SMIM10L3: variants seen among roughly 807,000 people sequenced by gnomAD.
The protein encoded by SMIM10L3 is small integral membrane protein 10 like 3, also known as salivary gland specific protein SAGSIN1.
chr7:6,348,232 AG>A, the SMIM10L3 span, among the ~76,000 whole-genome samples: 350 of 145,280 alleles, frequency 2.4e-3, 1 homozygote, highest in African/African-American at 7.2e-3. Context: ...ATTAAAAATA[AG>A]GGGGGGGGTT....
the SMIM10L3 span, among the ~76,000 whole-genome samples, chr7:6,339,237 G>A: frequency 6.6e-6 from 1 of 152,138 alleles, no homozygotes; most frequent in African/African-American, 2.4e-5. Context: ...GGAGGCCGAG[G>A]TGGGGAGATC....
At chr7:6,343,036 CAA>C in the SMIM10L3 span, among the ~76,000 whole-genome samples, 1 of 99,076 alleles carries the variant, frequency 1.0e-5, no homozygotes. Flanking sequence ...GACGCTTTCT[CAA>C]AAAAAAAAAA....
At chr7:6,347,258 T>C in the SMIM10L3 span, among the ~76,000 whole-genome samples, 1 of 152,236 alleles carries the variant, frequency 6.6e-6, no homozygotes, top group Non-Finnish European at 1.5e-5. Context: ...CTGACGCCTA[T>C]AATCCCAGCA....
chr7:6,334,849 A>AC, the SMIM10L3 span, among the ~76,000 whole-genome samples: 450 of 151,014 alleles, frequency 3.0e-3, 4 homozygotes, highest in African/African-American at 0.01. Context: ...ACTCACTGCA[A>AC]CCTCCACCTC....
chr7:6,330,797 T>C, the SMIM10L3 span: 10 of 1,614,142 alleles, frequency 6.2e-6, no homozygotes, highest in South Asian at 1.1e-5. Flanking sequence ...TCAACACCAC[T>C]GCAGGACACC....
chr7:6,333,483 A>T, the SMIM10L3 span, among the ~76,000 whole-genome samples: 1 of 152,162 alleles, frequency 6.6e-6, no homozygotes, highest in Non-Finnish European at 1.5e-5. Flanking sequence ...GGAGGGACAG[A>T]CTAAAGTTTC....
the SMIM10L3 span, chr7:6,330,670 G>A: frequency 7.5e-4 from 1,206 of 1,613,908 alleles, 2 homozygotes; most frequent in South Asian, 9.0e-4. Context: ...TCCCATTTCC[G>A]GCACTTTTTG....
the SMIM10L3 span, among the ~76,000 whole-genome samples, chr7:6,345,734 TTTC>T: frequency 6.6e-6 from 1 of 152,088 alleles, no homozygotes; most frequent in Non-Finnish European, 1.5e-5. Flanking sequence ...GCCCTCAAAG[TTTC>T]TTTTTTTAAA....
At chr7:6,337,388 T>C in the SMIM10L3 span, among the ~76,000 whole-genome samples, 1,068 of 150,236 alleles carry the variant, frequency 7.1e-3, 23 homozygotes, top group African/African-American at 0.023. Flanking sequence ...TCCCAAAGTG[T>C]TGGGATTACA....
At chr7:6,346,209 C>T in the SMIM10L3 span, among the ~76,000 whole-genome samples, 1 of 152,104 alleles carries the variant, frequency 6.6e-6, no homozygotes, top group African/African-American at 2.4e-5. Context: ...TTCTCGTTTA[C>T]CAGTCCCCTG....
chr7:6,348,497 G>A, the SMIM10L3 span: 2 of 411,866 alleles, frequency 4.9e-6, no homozygotes, highest in South Asian at 1.6e-4. Context: ...AGTGGCAGCT[G>A]CCGTGGCGTC....
chr7:6,340,138 G>A, the SMIM10L3 span, among the ~76,000 whole-genome samples: 11 of 152,082 alleles, frequency 7.2e-5, no homozygotes, highest in African/African-American at 2.4e-4. Context: ...GCCCGCCTCG[G>A]CCTCCCAAAG....
chr7:6,331,982 G>T, the SMIM10L3 span, among the ~76,000 whole-genome samples: 2 of 151,774 alleles, frequency 1.3e-5, no homozygotes, highest in African/African-American at 4.8e-5. Context: ...TGTGATGGCA[G>T]GTGTCTGTAA....
At chr7:6,329,987 T>C in the SMIM10L3 span, 1 of 220,074 alleles carries the variant, frequency 4.5e-6, no homozygotes, top group Non-Finnish European at 9.8e-6. Context: ...GTGTAGACTT[T>C]ACAAGTATCC....
chr7:6,336,243 G>T, the SMIM10L3 span, among the ~76,000 whole-genome samples: 1 of 151,880 alleles, frequency 6.6e-6, no homozygotes, highest in African/African-American at 2.4e-5. Flanking sequence ...TCACTTGAGA[G>T]GCTGAGGTAG....
chr7:6,348,725 G>A, the SMIM10L3 span: 2 of 417,718 alleles, frequency 4.8e-6, no homozygotes, highest in South Asian at 7.3e-5. Context: ...GAGCGCGAGA[G>A]CCGGACAGCC....
At chr7:6,348,873 C>A in the SMIM10L3 span, 1 of 385,150 alleles carries the variant, frequency 2.6e-6, no homozygotes, top group Non-Finnish European at 4.6e-6. Context: ...GCTAGACCGG[C>A]GGGCGGGCGG....
At chr7:6,340,179 C>G in the SMIM10L3 span, among the ~76,000 whole-genome samples, 1 of 152,168 alleles carries the variant, frequency 6.6e-6, no homozygotes, top group Non-Finnish European at 1.5e-5. Flanking sequence ...GCTACCGCGC[C>G]CGGCCCCTCC....
the SMIM10L3 span, among the ~76,000 whole-genome samples, chr7:6,338,961 C>T: frequency 6.6e-6 from 1 of 152,156 alleles, no homozygotes. Flanking sequence ...GCTCCACACC[C>T]CTCAGGTGTG....
Sources: gnomAD v4.1 joint callset for allele counts (sites outside exome capture counted in the v4.1 genomes callset) on GRCh38, gnomAD v4.1.1 for gene constraint, MANE v1.5 for transcripts, NCBI Gene and HGNC (gene_info 2026-07-23, HGNC 2026-07-21) for gene names.